Variants in ORMDL1 observed in about 807,000 individuals in gnomAD.
ORMDL1 encodes the protein ORM1-like protein 1.
In ORMDL1, 10 loss-of-function variants were observed where a neutral mutation model predicts 13.0. That is an observed-to-expected ratio of 0.77 (90% CI 0.47 to 1.30). The LOEUF (loss-of-function observed/expected upper bound fraction) is 1.30, where lower values mean the gene tolerates loss of function less well. Among genes scored for constraint, ORMDL1 ranks in the 50% most tolerant of loss-of-function variants. The pLI, the probability that ORMDL1 is intolerant of heterozygous loss-of-function variation, is 0.00. For synonymous variants in ORMDL1, 61 were observed against 63.9 expected, an observed-to-expected ratio of 0.95 and a Z score of 0.22; for missense variants, 171 against 186.7, an observed-to-expected ratio of 0.92 and a Z score of 0.49.
chr2:189,784,311 C>T lies in ORMDL1; in HGVS notation c.-160G>A, dbSNP rs1574980561. On this transcript the variant is annotated 5_prime_UTR_variant, in exon 1 of 5. Transcript: ENST00000392349. ...GCCGCCGGCTCGCAGCAGGACCAGC[C>T]CGGCTGCTACGGCCGCGGATACACG... The T allele has an allele frequency of 1.3e-5, 2 of 152,418 alleles. No homozygotes were observed. The highest frequency in any genetic ancestry group is 1.5e-5 in the Non-Finnish European group (1 of 68,186). 9.4% of individuals were successfully genotyped at this position (152,418 alleles called of 1,614,324 possible).
In ORMDL1 at chr2:189,775,864, T is replaced by C. The variant is rs1453857658; in HGVS notation, c.175-148A>G. ...GCTTTCATATAATAGTGAAAGGCTG[T>C]AGCCAGTTTCTTTATAATAAAATAG... is the stretch of plus-strand genomic sequence containing the variant. On this transcript the variant is annotated intron_variant, in intron 3 of 4. Transcript: ENST00000392349. 4.5e-6 allele frequency: 3 copies of C among 670,146 alleles called. No homozygotes were observed. In the African/African-American group the frequency reaches 5.6e-5, roughly 13 times the overall value. 41.5% of individuals were successfully genotyped at this position (670,146 alleles called of 1,614,324 possible).
In ORMDL1 at chr2:189,771,862, G is replaced by A; in HGVS notation, c.367C>T (p.His123Tyr). Residue 123 changes from histidine (H) to tyrosine (Y), a missense_variant, in exon 5 of 5, where the codon CAC becomes TAC. His to Tyr is a moderately conservative substitution (Grantham distance 83). Coordinates refer to ENST00000392349, the MANE Select transcript of ORMDL1 (RefSeq NM_016467.5). The stretch of plus-strand genomic sequence containing the variant: ...AGAGAAGCTGTGTTTAGGATGAAGT[G>A]AGTTGGATCATACTTCGTATAGAAA... ...ASFYTKYDPT[H>Y]FILNTASLLS... The A allele has an allele frequency of 6.2e-7, 1 of 1,607,320 alleles. No individual in the cohort carries two copies. Among genetic ancestry groups the A allele is most frequent in the Non-Finnish European group, 8.5e-7 (1 of 1,175,038 alleles).
downstream of ORMDL1, among the ~76,000 whole-genome samples, chr2:189,767,648 A>T (rs1366993749): frequency 2.0e-5 from 3 of 152,206 alleles, no homozygotes; most frequent in Non-Finnish European, 2.9e-5. Flanking sequence ...TTATTTTATC[A>T]ACACATACTT....
chr2:189,766,072 G>T (rs2047478928), downstream of ORMDL1, among the ~76,000 whole-genome samples: 1 of 151,996 alleles, frequency 6.6e-6, no homozygotes, highest in South Asian at 2.1e-4. Context: ...TGATCCACCT[G>T]CCTCGGCCTC....
chr2:189,768,231 A>T (rs2047514718), downstream of ORMDL1, among the ~76,000 whole-genome samples: 1 of 152,172 alleles, frequency 6.6e-6, no homozygotes, highest in South Asian at 2.1e-4. Flanking sequence ...AGGGTATTTT[A>T]CCTAGATAGG....
At position 189,770,985 on chromosome 2, in the gene ORMDL1, T is replaced by C. The variant is rs1431474824; in HGVS notation, c.*782A>G. The C allele has an allele frequency of 6.6e-6, 1 of 152,216 alleles. No individual in the cohort carries two copies. The highest frequency in any genetic ancestry group is 2.4e-5 in the African/African-American group (1 of 41,458). The allele number at this position is 152,216 out of a possible 1,614,324, so 9.4% of individuals were successfully genotyped here. Reference sequence around the variant, plus strand: ...ATAAGCAGACACCTTTAAATTACCATATATTTTTTAGTTGCTTGAAAGAAA... The same window carrying C: ...ATAAGCAGACACCTTTAAATTACCACATATTTTTTAGTTGCTTGAAAGAAA... On this transcript the variant is annotated 3_prime_UTR_variant, in exon 5 of 5. Transcript: ENST00000392349.
At chr2:189,769,895 T>C (rs1193327056), downstream of ORMDL1, among the ~76,000 whole-genome samples, 1 of 152,208 alleles carries the variant, frequency 6.6e-6, no homozygotes, top group Non-Finnish European at 1.5e-5. Context: ...GAAATTGCCA[T>C]TATGTCTCCT....
chr2:189,772,230 T>G (rs1205607985), intron 4 of ORMDL1, among the ~76,000 whole-genome samples: 1 of 152,172 alleles, frequency 6.6e-6, no homozygotes, highest in Admixed American at 6.5e-5. Context: ...TGTATTTCCA[T>G]GTATGTTTCT....
intron 4 of ORMDL1, chr2:189,774,693 T>G (rs1050855290): frequency 4.6e-5 from 7 of 152,248 alleles, no homozygotes; most frequent in African/African-American, 1.7e-4. Context: ...AGAGACAAAA[T>G]AAAACATATA....
intron 3 of ORMDL1, among the ~76,000 whole-genome samples, chr2:189,781,439 T>G (rs1401825963): frequency 6.6e-6 from 1 of 152,084 alleles, no homozygotes; most frequent in African/African-American, 2.4e-5. Context: ...AAAAGGCAAT[T>G]TCCAGGGCTG....
At chr2:189,765,989 G>T (rs573201422), downstream of ORMDL1, among the ~76,000 whole-genome samples, 1 of 152,086 alleles carries the variant, frequency 6.6e-6, no homozygotes, top group East Asian at 1.9e-4. Flanking sequence ...ACCACGCCCA[G>T]CTAATTTTTG....
the ORMDL1 span, chr2:189,763,964 A>C: frequency 2.6e-5 from 4 of 152,200 alleles, no homozygotes; most frequent in African/African-American, 9.7e-5. Context: ...CTGTAGATTA[A>C]TTTCTTTCAA....
intron 4 of ORMDL1, chr2:189,775,074 G>A (rs574657490): frequency 1.3e-5 from 2 of 152,324 alleles, no homozygotes; most frequent in African/African-American, 4.8e-5. Flanking sequence ...CAAGCTGGCT[G>A]AGTGATATAT....
At chr2:189,775,531 ATCC>A in intron 4 of ORMDL1, 31 bp downstream of exon 4, 1 of 1,543,448 alleles carries the variant, frequency 6.5e-7, no homozygotes. Flanking sequence ...CTCTTATCCA[ATCC>A]TCCTCATACC....
At chr2:189,768,346 TA>T (rs1224074293), downstream of ORMDL1, among the ~76,000 whole-genome samples, 1 of 152,228 alleles carries the variant, frequency 6.6e-6, no homozygotes, top group East Asian at 1.9e-4. Context: ...GAAAGACTAT[TA>T]AATTGCACTG....
At chr2:189,782,893 G>A in intron 2 of ORMDL1, 121 bp downstream of exon 2, 1 of 262,248 alleles carries the variant, frequency 3.8e-6, no homozygotes, top group Non-Finnish European at 7.2e-6. Flanking sequence ...TTACTGAATA[G>A]GAAAATTCAA....
rs187013862 is a variant in ORMDL1, at chr2:189,776,022, T to C, written c.175-306A>G. Reference sequence around the variant, plus strand: ...TCATATCTTTACATTCAGATTTTCTTACACTTTTCCTATTAGGAAATAGGA... The same window carrying C: ...TCATATCTTTACATTCAGATTTTCTCACACTTTTCCTATTAGGAAATAGGA... On this transcript the variant is annotated intron_variant, in intron 3 of 4. Coordinates refer to ENST00000392349, the MANE Select transcript of ORMDL1 (RefSeq NM_016467.5). Among the ~76,000 whole-genome samples, 13 of 152,320 alleles carry C rather than the reference T, an allele frequency of 8.5e-5. No individual in the cohort carries two copies. The East Asian group carries it at 2.5e-3, about 29-fold the overall frequency.
At chr2:189,783,317 G>T (rs1335963857) in intron 1 of ORMDL1, 194 bp from the exon 2 acceptor site, 2 of 152,216 alleles carry the variant, frequency 1.3e-5, no homozygotes, top group Non-Finnish European at 2.9e-5. Context: ...TCCAAAGGAA[G>T]AATTGATAAT....
rs1327884770 is a variant in ORMDL1, at chr2:189,770,427, C to G, written c.*1340G>C. 1 of 152,104 alleles carries G rather than the reference C, an allele frequency of 6.6e-6. No individual in the cohort carries two copies. Among genetic ancestry groups the G allele is most frequent in the African/African-American group, 2.4e-5 (1 of 41,420 alleles). 9.4% of individuals were successfully genotyped at this position (152,104 alleles called of 1,614,324 possible). A position where few individuals can be genotyped will look rare whatever the true frequency, so the allele number is the denominator to read the frequency against. On this transcript the variant is annotated 3_prime_UTR_variant, in exon 5 of 5. Coordinates refer to ENST00000392349, the MANE Select transcript of ORMDL1 (RefSeq NM_016467.5). ...AAAGGTAGTATCATACAACTGATTT[C>G]TAAACTCAATACTTTTGAGATACAA...
Sources: gnomAD v4.1 joint callset for allele counts (sites outside exome capture counted in the v4.1 genomes callset) on GRCh38, gnomAD v4.1.1 for gene constraint, MANE v1.5 for transcripts, NCBI Gene and HGNC (gene_info 2026-07-23, HGNC 2026-07-21) for gene names.